PLAAT5: variants seen among roughly 807,000 people sequenced by gnomAD.
PLAAT5 encodes the protein Ca(2+)-independent N-acyltransferase.
A neutral mutation model predicts 27.8 loss-of-function variants in PLAAT5; 27 were observed. The ratio of observed to expected loss-of-function variants is 0.97; its 90% CI spans 0.72 to 1.34. PLAAT5 has a LOEUF of 1.34. Among genes scored for constraint, PLAAT5 ranks in the 40% most tolerant of loss-of-function variants. The probability of loss-of-function intolerance (pLI) is 0.00; values close to 1 mark genes in which losing one functional copy is unlikely to be tolerated. For missense variants in PLAAT5, 368 were observed against 343.8 expected, an observed-to-expected ratio of 1.07 and a Z score of -0.56; for synonymous variants, 125 against 136.1, an observed-to-expected ratio of 0.92 and a Z score of 0.57.
chr11:63,484,929 C>A (rs1490939700), intron 3 of PLAAT5, among the ~76,000 whole-genome samples: 3 of 151,982 alleles, frequency 2.0e-5, no homozygotes, highest in Non-Finnish European at 2.9e-5. Flanking sequence ...ACTGGTAAAT[C>A]AATTTAGCAA....
chr11:63,475,420 C>A (rs927144437), intron 3 of PLAAT5, among the ~76,000 whole-genome samples: 6 of 151,594 alleles, frequency 4.0e-5, no homozygotes, highest in African/African-American at 1.5e-4. Context: ...CTAATAATAC[C>A]TCTTCTCTTA....
At position 63,468,377 on chromosome 11, in the gene PLAAT5, A is replaced by G. The variant is rs1482911739; in HGVS notation, c.434T>C (p.Val145Ala). Residue 145 changes from valine to alanine, a missense_variant, in exon 4 of 6, where the codon GTG becomes GCG. Coordinates refer to ENST00000540857, the MANE Select transcript of PLAAT5 (RefSeq NM_001146729.2). ...HWAIYVEDDCVVHLAPPSEEF... is the reference protein window; with the variant it reads ...HWAIYVEDDCAVHLAPPSEEF... ...CTTACTTGGGGGAGCCAGATGGACC[A>G]CGCAATCATCTTCTACATAGATGGC... is the stretch of plus-strand genomic sequence containing the variant. The G allele has an allele frequency of 6.2e-7, 1 of 1,613,460 alleles. No individual in the cohort carries two copies. The highest frequency in any genetic ancestry group is 1.3e-5 in the African/African-American group (1 of 74,904).
At chr11:63,486,215 C>T (rs1408733540) in intron 3 of PLAAT5, among the ~76,000 whole-genome samples, 1 of 152,128 alleles carries the variant, frequency 6.6e-6, no homozygotes. Context: ...CTATGGAAAA[C>T]ACCATGGAGA....
In PLAAT5 at chr11:63,466,381, C is replaced by A. The variant is rs772923642; in HGVS notation, c.455-9G>T. The A allele has an allele frequency of 1.2e-6, 2 of 1,612,936 alleles. No individual in the cohort carries two copies. The highest frequency in any genetic ancestry group is 1.7e-6 in the Non-Finnish European group (2 of 1,179,512). On this transcript the variant is annotated splice_polypyrimidine_tract_variant and intron_variant, in intron 4 of 5. Transcript: ENST00000540857. ...CACCTCAAACTCCTCACCTGGAGAC[C>A]AAAGACAAACAAAGGTTGGGAAATA...
chr11:63,485,672 C>A (rs1340748116), intron 3 of PLAAT5, among the ~76,000 whole-genome samples: 1 of 152,120 alleles, frequency 6.6e-6, no homozygotes, highest in Non-Finnish European at 1.5e-5. Context: ...CATAAAAATT[C>A]TAGAAGATAA....
At position 63,466,123 on chromosome 11, in the gene PLAAT5, G is replaced by T. The variant is rs1305276300; in HGVS notation, c.704C>A (p.Pro235His). The change falls in exon 5 of 6, where the codon CCC becomes CAC. Residue 235 changes from proline (P) to histidine (H), a missense_variant. By Grantham distance (77) the Pro-to-His change is moderately conservative. Transcript: ENST00000540857. The stretch of plus-strand genomic sequence containing the variant: ...ATGGGGTCACACCTGCTGGCTCCGG[G>T]GTACGCCATATCTGAGGCCATTGAC... Reference protein sequence around the residue: ...HFVNGLRYGVPRSQQVEHALM... With the variant: ...HFVNGLRYGVHRSQQVEHALM... The T allele has an allele frequency of 1.2e-6, 2 of 1,613,950 alleles. No homozygotes were observed. The highest frequency in any genetic ancestry group is 1.7e-6 in the Non-Finnish European group (2 of 1,179,990).
chr11:63,490,867 G>GATAA lies in PLAAT5; in HGVS notation c.148+19_148+20insTTAT. ...AAGGACAATTGCGGATTGTCCTTCA[G>GATAA]CCGCATTCTTGGGGCTGACCTGAGT... On this transcript the variant is annotated intron_variant, in intron 1 of 5. Coordinates refer to ENST00000540857, the MANE Select transcript of PLAAT5 (RefSeq NM_001146729.2). 2 of 1,592,310 alleles carry GATAA rather than the reference G, an allele frequency of 1.3e-6. No homozygotes were observed. The highest frequency in any genetic ancestry group is 1.7e-6 in the Non-Finnish European group (2 of 1,170,364).
intron 3 of PLAAT5, among the ~76,000 whole-genome samples, chr11:63,481,838 T>C (rs971280601): frequency 4.6e-5 from 7 of 152,032 alleles, no homozygotes; most frequent in Non-Finnish European, 1.0e-4. Context: ...TTCTCACTCA[T>C]AGGTGGGAAC....
At position 63,462,346 on chromosome 11, in the gene PLAAT5, T is replaced by TCATG. The variant is rs2015740416; in HGVS notation, c.*1153_*1156dup. ...ACTAGGGATATCAGTTTCATCCTGGTCATGATTCACAGAAATGAGTGCAGA... is the reference window on the plus strand; with the variant it reads ...ACTAGGGATATCAGTTTCATCCTGGTCATGCATGATTCACAGAAATGAGTGCAGA... On this transcript the variant is annotated 3_prime_UTR_variant, in exon 6 of 6. Coordinates refer to ENST00000540857, the MANE Select transcript of PLAAT5 (RefSeq NM_001146729.2). 1 of 152,172 alleles carries TCATG rather than the reference T, an allele frequency of 6.6e-6. No individual in the cohort carries two copies. Among genetic ancestry groups the TCATG allele is most frequent in the Non-Finnish European group, 1.5e-5 (1 of 68,050 alleles). The allele number at this position is 152,172 out of a possible 1,614,324, so 9.4% of individuals were successfully genotyped here.
At chr11:63,483,801 G>GTGTGTATA in intron 3 of PLAAT5, among the ~76,000 whole-genome samples, 1 of 24,154 alleles carries the variant, frequency 4.1e-5, no homozygotes, top group South Asian at 1.2e-3. Context: ...ATATATATAT[G>GTGTGTATA]TATATATATA....
At chr11:63,465,362 C>T (rs1406463656) in intron 5 of PLAAT5, among the ~76,000 whole-genome samples, 1 of 133,176 alleles carries the variant, frequency 7.5e-6, no homozygotes, top group Non-Finnish European at 1.6e-5. Context: ...GCAAGTAATT[C>T]AAACAAAAAG....
intron 3 of PLAAT5, among the ~76,000 whole-genome samples, chr11:63,473,531 T>A (rs2016079819): frequency 6.6e-6 from 1 of 152,206 alleles, no homozygotes; most frequent in Admixed American, 6.5e-5. Flanking sequence ...ATTTTCTACA[T>A]ACATTGAATT....
intron 3 of PLAAT5, among the ~76,000 whole-genome samples, chr11:63,473,080 CGCA>C (rs1382061734): frequency 4.0e-5 from 6 of 151,624 alleles, no homozygotes; most frequent in Non-Finnish European, 8.8e-5. Flanking sequence ...ACTGCACCAC[CGCA>C]CTCCAGCATA....
At chr11:63,479,473 T>G (rs1433697517) in intron 3 of PLAAT5, among the ~76,000 whole-genome samples, 3 of 152,378 alleles carry the variant, frequency 2.0e-5, no homozygotes, top group African/African-American at 7.2e-5. Flanking sequence ...AACATTTGCA[T>G]GTGCAGATGC....
chr11:63,488,982 T>A lies in PLAAT5; in HGVS notation c.240-6A>T. The A allele has an allele frequency of 6.3e-7, 1 of 1,589,570 alleles. No individual in the cohort carries two copies. The highest frequency in any genetic ancestry group is 2.2e-5 in the East Asian group (1 of 44,708). ...AGCTAACTACAGCCTTCTCCCTAAATGATTTTGCAATCACAAAGTTAACAA... is the reference window on the plus strand; with the variant it reads ...AGCTAACTACAGCCTTCTCCCTAAAAGATTTTGCAATCACAAAGTTAACAA... On this transcript the variant is annotated splice_polypyrimidine_tract_variant and splice_region_variant and intron_variant, in intron 2 of 5. Transcript: ENST00000540857.
chr11:63,490,316 C>T lies in PLAAT5; in HGVS notation c.166G>A (p.Ala56Thr). The T allele has an allele frequency of 6.2e-7, 1 of 1,614,108 alleles. No individual in the cohort carries two copies. Among genetic ancestry groups the T allele is most frequent in the African/African-American group, 1.3e-5 (1 of 75,044 alleles). The change falls in exon 2 of 6, where the codon GCA (alanine) becomes ACA (threonine). Residue 56 changes from alanine (A) to threonine (T), a missense_variant. Transcript: ENST00000540857. ...TTGGCTGGGAGCTGGACCAACGCTG[C>T]GAATCCCACGGATTCTTCTAATTCA... ...VPHSEESVGF[A>T]ALVQLPAKQP...
At chr11:63,490,604 A>G in intron 1 of PLAAT5, 1 of 615,254 alleles carries the variant, frequency 1.6e-6, no homozygotes, top group East Asian at 2.8e-5. Context: ...CCTAAGCCCG[A>G]TGGGAGGAAC....
intron 4 of PLAAT5, among the ~76,000 whole-genome samples, chr11:63,466,766 T>C (rs1276483280): frequency 6.6e-6 from 1 of 152,112 alleles, no homozygotes; most frequent in Non-Finnish European, 1.5e-5. Flanking sequence ...TAAAAGGCTA[T>C]CACATACATG....
intron 3 of PLAAT5, among the ~76,000 whole-genome samples, chr11:63,478,610 C>A (rs2016210297): frequency 6.6e-6 from 1 of 152,216 alleles, no homozygotes; most frequent in Non-Finnish European, 1.5e-5. Flanking sequence ...CACGCCCGAC[C>A]ACGGATGGAC....
Sources: gnomAD v4.1 joint callset for allele counts (sites outside exome capture counted in the v4.1 genomes callset) on GRCh38, gnomAD v4.1.1 for gene constraint, MANE v1.5 for transcripts, NCBI Gene and HGNC (gene_info 2026-07-23, HGNC 2026-07-21) for gene names.